Variants in HK2 observed in about 807,000 individuals in gnomAD.
HK2 encodes the protein hexokinase 2, also known as hexokinase-2.
Under a neutral mutation model 92.9 loss-of-function variants are expected in HK2, and 42 were observed. The observed-to-expected ratio is 0.45, with a 90% CI of 0.35 to 0.58. The LOEUF (loss-of-function observed/expected upper bound fraction) is 0.58. HK2 is among the 20% of genes least tolerant of loss of function. The pLI is 0.00. For missense variants in HK2, 978 were observed against 1,245.1 expected (o/e 0.79, Z 3.23); for synonymous variants, 422 against 468.0 (o/e 0.90, Z 1.27).
intron 2 of HK2, among the ~76,000 whole-genome samples, chr2:74,863,317 A>C (rs1688873848): frequency 6.6e-6 from 1 of 152,250 alleles, no homozygotes; most frequent in African/African-American, 2.4e-5. Context: ...GGAAATAAGC[A>C]TTCTGTTGCT....
chr2:74,834,585 T>C lies in HK2; in HGVS notation c.5T>C (p.Ile2Thr). The change falls in exon 1 of 18, where the codon ATT becomes ACT. Residue 2 changes from isoleucine (I) to threonine (T), a missense_variant. Transcript: ENST00000290573. The surrounding 1 kb of genome is among the most constrained non-coding windows in gnomAD (Gnocchi z 4.2). M[I>T]ASHLLAYFFT... ...GCGCCGTCGGGCCGCGGCAGGATGA[T>C]TGCCTCGCATCTGCTTGCCTACTTC... The C allele has an allele frequency of 6.2e-7, 1 of 1,613,836 alleles. No individual in the cohort carries two copies. Among genetic ancestry groups the C allele is most frequent in the Non-Finnish European group, 8.5e-7 (1 of 1,179,788 alleles).
rs562352078 is a variant in HK2, at chr2:74,840,748, A to G, written c.63+6105A>G. Among the ~76,000 whole-genome samples the G allele has an allele frequency of 1.3e-3, 196 of 151,292 alleles. 1 individual carries two copies. The highest frequency in any genetic ancestry group is 0.01 in the South Asian group (50 of 4,792). On this transcript the variant is annotated intron_variant, in intron 1 of 17. Coordinates refer to ENST00000290573, the MANE Select transcript of HK2 (RefSeq NM_000189.5). ...AAAAAAATTAGCCGGGCGTGGTGGCAGGCACCTGTAGTCCCAGCTACTTGG... is the reference window on the plus strand; with the variant it reads ...AAAAAAATTAGCCGGGCGTGGTGGCGGGCACCTGTAGTCCCAGCTACTTGG...
At chr2:74,835,348 G>C (rs1406252370) in intron 1 of HK2, 5 of 153,210 alleles carry the variant, frequency 3.3e-5, no homozygotes, top group African/African-American at 9.6e-5. Context: ...AGTAAGGGGA[G>C]GACTTTGGTT....
chr2:74,850,410 T>C (rs1180365992), intron 1 of HK2, among the ~76,000 whole-genome samples: 3 of 152,184 alleles, frequency 2.0e-5, no homozygotes, highest in Admixed American at 6.5e-5. Flanking sequence ...TTTAGAGAAA[T>C]AGCGAGCCTC....
chr2:74,865,038 G>A (rs903345966), intron 2 of HK2, among the ~76,000 whole-genome samples: 5 of 151,416 alleles, frequency 3.3e-5, no homozygotes, highest in Non-Finnish European at 2.9e-5. Context: ...GCATGGGCAC[G>A]TAACCATGCG....
intron 1 of HK2, among the ~76,000 whole-genome samples, chr2:74,853,874 C>G (rs562137282): frequency 1.3e-5 from 2 of 151,852 alleles, no homozygotes; most frequent in African/African-American, 4.8e-5. Flanking sequence ...TGTAGGCGTC[C>G]GGGAAAAAGG....
At chr2:74,886,229 C>A in intron 13 of HK2, 65 bp from the exon 14 acceptor site, 1 of 1,112,882 alleles carries the variant, frequency 9.0e-7, no homozygotes, top group Non-Finnish European at 1.4e-6. Flanking sequence ...ATCTCCCATG[C>A]AATTGTCTGA....
intron 3 of HK2, among the ~76,000 whole-genome samples, chr2:74,871,181 G>T (rs1340662225): frequency 6.6e-6 from 1 of 152,220 alleles, no homozygotes; most frequent in African/African-American, 2.4e-5. Context: ...GGTCTGTGGG[G>T]GCGGGCCTAG....
intron 11 of HK2, 30 bp from the exon 12 acceptor site, chr2:74,882,090 C>G (rs778296763): frequency 6.2e-7 from 1 of 1,611,922 alleles, no homozygotes; most frequent in Non-Finnish European, 8.5e-7. Context: ...CCCAGGGCCC[C>G]TCCCTCAGTG....
intron 1 of HK2, among the ~76,000 whole-genome samples, chr2:74,841,609 C>A (rs927542094): frequency 6.6e-6 from 1 of 152,116 alleles, no homozygotes; most frequent in African/African-American, 2.4e-5. Flanking sequence ...CTACAAAAGA[C>A]GAACTTAAGA....
chr2:74,878,183 AAATGC>A (rs1381326960), intron 8 of HK2, among the ~76,000 whole-genome samples: 1 of 152,196 alleles, frequency 6.6e-6, no homozygotes, highest in African/African-American at 2.4e-5. Context: ...GTCCATGGTG[AAATGC>A]AATAGACTCC....
chr2:74,873,760 G>A, intron 5 of HK2, 84 bp from the exon 6 acceptor site: 1 of 848,300 alleles, frequency 1.2e-6, no homozygotes, highest in Non-Finnish European at 2.0e-6. Flanking sequence ...AGGAGGAGGA[G>A]GAGGAGGAGT....
chr2:74,880,469 G>T lies in HK2; in HGVS notation c.1470G>T (p.Arg490Ser). The T allele has an allele frequency of 6.2e-7, 1 of 1,614,216 alleles. No individual in the cohort carries two copies. Among genetic ancestry groups the T allele is most frequent in the Non-Finnish European group, 8.5e-7 (1 of 1,180,038 alleles). Residue 490 changes from arginine to serine, a missense_variant, in exon 10 of 18, where the codon AGG becomes AGT. Physicochemically the swap from Arg to Ser is moderately radical, Grantham distance 110. Around this residue, in one of 3 missense-constraint regions of HK2, gnomAD observed 742 missense variants for 922.5 expected, o/e 0.80. Coordinates refer to ENST00000290573, the MANE Select transcript of HK2 (RefSeq NM_000189.5). ...ACCAGCTGCTGGAGGTCAAGAGGAG[G>T]ATGAAGGTAGAAATGGAGCGAGGTC... Reference protein sequence around the residue: ...SHDQLLEVKRRMKVEMERGLS... With the variant: ...SHDQLLEVKRSMKVEMERGLS...
In HK2 at chr2:74,886,382, G is replaced by T; in HGVS notation, c.2024G>T (p.Gly675Val). ...CGFEDPHCEV[G>V]LIVGTGSNAC... ...TTTGAAGACCCTCACTGTGAAGTTG[G>T]CCTCATTGTTGGTAAGGACCCAGAC... The change falls in exon 14 of 18, where the codon GGC (glycine) becomes GTC (valine). Residue 675 changes from glycine to valine, a missense_variant. This residue lies in a region of HK2 where 742 missense variants were observed against 922.5 expected (regional missense o/e 0.80). Transcript: ENST00000290573. 1 of 1,614,120 alleles carries T rather than the reference G, an allele frequency of 6.2e-7. No individual in the cohort carries two copies. The highest frequency in any genetic ancestry group is 2.2e-5 in the East Asian group (1 of 44,882).
At chr2:74,889,124 C>T (rs1250038686) in intron 16 of HK2, 121 bp from the exon 17 acceptor site, 1 of 795,170 alleles carries the variant, frequency 1.3e-6, no homozygotes, top group East Asian at 2.7e-5. Flanking sequence ...CCTCGAGGGG[C>T]CAGCTCCTGG....
chr2:74,867,749 A>G lies in HK2; in HGVS notation c.340A>G (p.Ile114Val), dbSNP rs753667978. ...GGAGATGGAGAATCAGATCTATGCCATCCCTGAGGACATCATGCGAGGCAG... is the reference window on the plus strand; with the variant it reads ...GGAGATGGAGAATCAGATCTATGCCGTCCCTGAGGACATCATGCGAGGCAG... Reference protein sequence around the residue: ...KVEMENQIYAIPEDIMRGSGT... With the variant: ...KVEMENQIYAVPEDIMRGSGT... Residue 114 changes from isoleucine to valine, a missense_variant, in exon 3 of 18, where the codon ATC becomes GTC. Ile to Val is a conservative substitution (Grantham distance 29). Around this residue, in one of 3 missense-constraint regions of HK2, gnomAD observed 189 missense variants for 289.5 expected, o/e 0.65. Transcript: ENST00000290573. The G allele has an allele frequency of 6.2e-7, 1 of 1,614,198 alleles. No individual in the cohort carries two copies. Among genetic ancestry groups the G allele is most frequent in the Non-Finnish European group, 8.5e-7 (1 of 1,180,036 alleles).
chr2:74,867,785 G>A lies in HK2; in HGVS notation c.375+1G>A. ...CATCATGCGAGGCAGTGGCACCCAG[G>A]TATGACCCTTCTCTCAGGGCAGCCC... On this transcript the variant is annotated splice_donor_variant, in intron 3 of 17. Coordinates refer to ENST00000290573, the MANE Select transcript of HK2 (RefSeq NM_000189.5). LOFTEE classifies it high-confidence loss of function. 1 of 1,614,038 alleles carries A rather than the reference G, an allele frequency of 6.2e-7. No homozygotes were observed. Among genetic ancestry groups the A allele is most frequent in the Non-Finnish European group, 8.5e-7 (1 of 1,179,968 alleles).
At position 74,880,383 on chromosome 2, in the gene HK2, C is replaced by A; in HGVS notation, c.1384C>A (p.Arg462=). 3 of 1,614,084 alleles carry A rather than the reference C, an allele frequency of 1.9e-6. No homozygotes were observed. Among genetic ancestry groups the A allele is most frequent in the Non-Finnish European group, 2.5e-6 (3 of 1,180,038 alleles). ...AGCCATGGTGACAGCAGTGGCTTAC[C>A]GGCTGGCCGATCAACACCGTGCCCG... ...GAAMVTAVAY[R]LADQHRARQK... The change falls in exon 10 of 18, where the codon CGG becomes AGG. Residue 462 remains arginine (R), a synonymous_variant. Coordinates refer to ENST00000290573, the MANE Select transcript of HK2 (RefSeq NM_000189.5).
intron 1 of HK2, among the ~76,000 whole-genome samples, chr2:74,838,802 TGGTGGGATTACAGGAGTGAGCCACC>T (rs1462363502): frequency 1.3e-5 from 2 of 152,278 alleles, no homozygotes; most frequent in South Asian, 2.1e-4. Context: ...CCTCCCAAAG[TGGTGGGATTACAGGAGTGAGCCACC>T]GCGCCTGGCT....
Sources: gnomAD v4.1 joint callset for allele counts (sites outside exome capture counted in the v4.1 genomes callset) on GRCh38, gnomAD v4.1.1 for gene constraint, gnomAD v4.1.1 regional missense constraint, Gnocchi (gnomAD v3.1) non-coding constraint, MANE v1.5 for transcripts, NCBI Gene and HGNC (gene_info 2026-07-23, HGNC 2026-07-21) for gene names.